The following ZBTB20 variants were observed in gnomAD, a reference collection of about 807,000 sequenced individuals.
The protein encoded by ZBTB20 is zinc finger and BTB domain containing 20.
A neutral mutation model predicts 56.9 loss-of-function variants in ZBTB20; 9 were observed. The ratio of observed to expected loss-of-function variants is 0.16; its 90% CI spans 0.10 to 0.28. The LOEUF (loss-of-function observed/expected upper bound fraction) is 0.28, where lower values mean the gene tolerates loss of function less well. ZBTB20 is among the 10% of genes least tolerant of loss of function. The pLI, the probability that ZBTB20 is intolerant of heterozygous loss-of-function variation, is 1.00. For synonymous variants in ZBTB20, 417 were observed against 420.7 expected (o/e 0.99, Z 0.11); for missense variants, 655 against 1,003.0 (o/e 0.65, Z 4.69).
chr3:114,380,803 G>A lies in ZBTB20; in HGVS notation c.-16C>T, dbSNP rs973089441. 9.9e-6 allele frequency: 15 copies of A among 1,509,906 alleles called. No individual in the cohort carries two copies. The East Asian group carries it at 3.0e-4, about 30-fold the overall frequency. The allele number at this position is 1,509,906 out of a possible 1,614,324, so 93.5% of individuals were successfully genotyped here. ...GTTCTAGCATTTGTCAGGAAGCTTA[G>A]AGACAGGACTCGTGGAGTAATGGGA... On this transcript the variant is annotated 5_prime_UTR_variant, in exon 9 of 12. Transcript: ENST00000675478.
chr3:114,749,717 G>T (rs2067413777), intron 5 of ZBTB20, among the ~76,000 whole-genome samples: 1 of 152,182 alleles, frequency 6.6e-6, no homozygotes, highest in African/African-American at 2.4e-5. Flanking sequence ...TGTGGAAATG[G>T]AGAAAGGATG....
chr3:114,520,700 T>C (rs2046543355), intron 6 of ZBTB20, among the ~76,000 whole-genome samples: 2 of 152,304 alleles, frequency 1.3e-5, no homozygotes, highest in Non-Finnish European at 1.5e-5. Flanking sequence ...TTCAAATCTG[T>C]ATCTTGAGCC....
At chr3:114,959,299 T>A (rs529117419) in intron 3 of ZBTB20, among the ~76,000 whole-genome samples, 2 of 152,062 alleles carry the variant, frequency 1.3e-5, no homozygotes, top group African/African-American at 4.8e-5. Context: ...ATGAAGAATA[T>A]CCTCCTTTAC....
intron 4 of ZBTB20, among the ~76,000 whole-genome samples, chr3:114,814,409 C>A (rs181149602): frequency 3.2e-3 from 485 of 152,048 alleles, no homozygotes; most frequent in South Asian, 5.4e-3. Context: ...TTCCATGTAA[C>A]AATTCATCTA....
intron 7 of ZBTB20, among the ~76,000 whole-genome samples, chr3:114,418,001 G>A (rs1194503028): frequency 3.3e-5 from 5 of 152,000 alleles, no homozygotes; most frequent in African/African-American, 4.8e-5. Context: ...ATCAAGGTAC[G>A]CCCACCTTGG....
At chr3:114,611,039 G>A (rs1305906462) in intron 6 of ZBTB20, among the ~76,000 whole-genome samples, 2 of 152,174 alleles carry the variant, frequency 1.3e-5, no homozygotes, top group African/African-American at 2.4e-5. Context: ...ACGAAAGCAA[G>A]TTAACCAGCG....
Position 114,802,799 on chromosome 3 carries a change from T to A in ZBTB20, c.-416-1625A>T, listed in dbSNP as rs541235957. Among the ~76,000 whole-genome samples, 33 of 152,102 alleles carry A rather than the reference T, an allele frequency of 2.2e-4. 1 individual carries two copies. In the South Asian group the frequency reaches 6.8e-3, roughly 31 times the overall value. On this transcript the variant is annotated intron_variant, in intron 4 of 11. Transcript: ENST00000675478. ...TCTAATTCACCAACTGGCATTGTTC[T>A]ACTCACCAACAAAATATGGTTAGCG...
chr3:114,412,785 T>A (rs1261285174), intron 7 of ZBTB20, among the ~76,000 whole-genome samples: 6 of 152,150 alleles, frequency 3.9e-5, no homozygotes, highest in Non-Finnish European at 7.4e-5. Context: ...CTTCTACTTC[T>A]TCTTTAGGAT....
At chr3:114,558,994 T>C (rs1171504264) in intron 6 of ZBTB20, among the ~76,000 whole-genome samples, 1 of 152,180 alleles carries the variant, frequency 6.6e-6, no homozygotes, top group Admixed American at 6.6e-5. Context: ...TTACATGCCA[T>C]CCGTGTGAGA....
intron 3 of ZBTB20, among the ~76,000 whole-genome samples, chr3:114,955,295 A>AT (rs1462483640): frequency 1.3e-5 from 2 of 152,236 alleles, no homozygotes; most frequent in Non-Finnish European, 2.9e-5. Context: ...AAAGTCAGAT[A>AT]TATCTATCCA....
chr3:114,674,379 T>C (rs909762781), intron 6 of ZBTB20, among the ~76,000 whole-genome samples: 3 of 152,236 alleles, frequency 2.0e-5, no homozygotes, highest in Non-Finnish European at 2.9e-5. Context: ...AGTTGTTTTA[T>C]AGCTCATACA....
chr3:114,410,201 G>A (rs901859921), intron 7 of ZBTB20, among the ~76,000 whole-genome samples: 1 of 151,880 alleles, frequency 6.6e-6, no homozygotes, highest in African/African-American at 2.4e-5. Context: ...CGAACTCCAT[G>A]TTTAAAAAGT....
intron 6 of ZBTB20, among the ~76,000 whole-genome samples, chr3:114,584,276 C>A (rs2054947908): frequency 6.6e-6 from 1 of 151,878 alleles, no homozygotes; most frequent in Non-Finnish European, 1.5e-5. Flanking sequence ...AAAGAGAGCT[C>A]CCACAGAAAA....
chr3:114,488,508 G>A (rs116207684), intron 7 of ZBTB20, among the ~76,000 whole-genome samples: 1,538 of 152,168 alleles, frequency 0.01, 23 homozygotes, highest in African/African-American at 0.034. Flanking sequence ...TCAGGCTTTG[G>A]TTTTATGCCT....
chr3:115,005,023 GTGTGGGCCTGTT>G (rs1256195696), intron 2 of ZBTB20, among the ~76,000 whole-genome samples: 4 of 151,786 alleles, frequency 2.6e-5, no homozygotes, highest in African/African-American at 9.7e-5. Context: ...GTATGTGTGT[GTGTGGGCCTGTT>G]TATGAAGGAG....
intron 6 of ZBTB20, among the ~76,000 whole-genome samples, chr3:114,677,052 T>C (rs1260057963): frequency 6.6e-6 from 1 of 152,166 alleles, no homozygotes; most frequent in Admixed American, 6.5e-5. Context: ...ATTACAGGTG[T>C]GAGCCACTGT....
rs1282561978 is a variant in ZBTB20 at position 114,339,503 on chromosome 3, C to A, written c.1805-77G>T. Reference sequence around the variant, plus strand: ...GATAGAGAATGAAGGACAGGAAAAACAAGACAACAAAAAAGAAAAATAAAA... The same window carrying A: ...GATAGAGAATGAAGGACAGGAAAAAAAAGACAACAAAAAAGAAAAATAAAA... On this transcript the variant is annotated intron_variant, in intron 11 of 11. Transcript: ENST00000675478. This position sits in a 1 kb window ranked among gnomAD's most constrained non-coding sequence, Gnocchi z 4.2. 1 of 1,442,058 alleles carries A rather than the reference C, an allele frequency of 6.9e-7. No individual in the cohort carries two copies. The allele number at this position is 1,442,058 out of a possible 1,614,324, so 89.3% of individuals were successfully genotyped here.
intron 7 of ZBTB20, among the ~76,000 whole-genome samples, chr3:114,403,991 T>C (rs2087054835): frequency 6.6e-6 from 1 of 152,192 alleles, no homozygotes; most frequent in Non-Finnish European, 1.5e-5. Context: ...ATTTGATGAT[T>C]CTAAAGTAAG....
intron 1 of ZBTB20, among the ~76,000 whole-genome samples, chr3:115,087,992 C>T (rs1177162829): frequency 1.3e-5 from 2 of 151,856 alleles, no homozygotes; most frequent in Admixed American, 6.6e-5. Context: ...TGTTGGGATA[C>T]CACCTCCCAC....
Sources: gnomAD v4.1 joint callset for allele counts (sites outside exome capture counted in the v4.1 genomes callset) on GRCh38, gnomAD v4.1.1 for gene constraint, Gnocchi (gnomAD v3.1) non-coding constraint, MANE v1.5 for transcripts, NCBI Gene and HGNC (gene_info 2026-07-23, HGNC 2026-07-21) for gene names.